The following SYT16 variants were observed in gnomAD, a reference collection of about 807,000 sequenced individuals.
SYT16 encodes synaptotagmin-16.
Under a neutral mutation model 61.4 loss-of-function variants are expected in SYT16, and 42 were observed. The ratio of observed to expected loss-of-function variants is 0.68; its 90% confidence interval spans 0.53 to 0.89. The LOEUF is 0.89. Among genes scored for constraint, SYT16 ranks in the 40% least tolerant of loss-of-function variants. The pLI is 0.00. For synonymous variants in SYT16, 314 were observed against 302.3 expected (o/e 1.04, Z -0.40); for missense variants, 804 against 807.3 (o/e 1.00, Z 0.05).
At chr14:61,900,273 C>G (rs1193489715) in intron 1 of SYT16, among the ~76,000 whole-genome samples, 2 of 151,694 alleles carry the variant, frequency 1.3e-5, no homozygotes, top group East Asian at 3.9e-4. Context: ...ATTCTCCTGC[C>G]TCAGCCTCCC....
intron 3 of SYT16, among the ~76,000 whole-genome samples, chr14:62,055,544 C>T (rs2055514180): frequency 6.6e-6 from 1 of 152,194 alleles, no homozygotes. Context: ...AATCACCCTA[C>T]CTGTCAGTAC....
chr14:62,044,998 C>T (rs907811953), intron 3 of SYT16, among the ~76,000 whole-genome samples: 4 of 152,052 alleles, frequency 2.6e-5, no homozygotes, highest in East Asian at 3.9e-4. Context: ...ATTAGCTGGG[C>T]GTGGTGGCAC....
chr14:62,045,249 C>T (rs1331059400), intron 3 of SYT16, among the ~76,000 whole-genome samples: 1 of 151,944 alleles, frequency 6.6e-6, no homozygotes, highest in Non-Finnish European at 1.5e-5. Context: ...AATTATCTTC[C>T]TTGAGTTTAC....
At chr14:61,879,950 A>G (rs976125936) in intron 1 of SYT16, among the ~76,000 whole-genome samples, 3 of 152,142 alleles carry the variant, frequency 2.0e-5, no homozygotes, top group African/African-American at 7.2e-5. Flanking sequence ...ATTCACTCTT[A>G]GCTGACTATG....
At chr14:61,922,093 A>G (rs1387222215) in intron 1 of SYT16, among the ~76,000 whole-genome samples, 2 of 152,220 alleles carry the variant, frequency 1.3e-5, no homozygotes, top group Non-Finnish European at 2.9e-5. Context: ...CCTTGTGTAA[A>G]GAGAAAAGAA....
intron 1 of SYT16, among the ~76,000 whole-genome samples, chr14:61,825,344 A>G (rs1027048284): frequency 6.6e-6 from 1 of 152,346 alleles, no homozygotes; most frequent in Non-Finnish European, 1.5e-5. Flanking sequence ...TTTAAGTGAA[A>G]CAACATATAA....
intron 1 of SYT16, among the ~76,000 whole-genome samples, chr14:61,952,398 C>T (rs920097191): frequency 6.6e-6 from 1 of 152,198 alleles, no homozygotes; most frequent in Non-Finnish European, 1.5e-5. Context: ...CAGAGATTCA[C>T]TCCATGGACT....
chr14:62,006,058 C>T (rs185084008), intron 3 of SYT16, among the ~76,000 whole-genome samples: 19 of 152,186 alleles, frequency 1.2e-4, no homozygotes, highest in Admixed American at 1.2e-3. Flanking sequence ...ACTTCAAATG[C>T]CTTTTAGCCA....
At chr14:62,058,828 CATCAGTGGT>C (rs1241263934) in intron 3 of SYT16, among the ~76,000 whole-genome samples, 5 of 152,088 alleles carry the variant, frequency 3.3e-5, no homozygotes, top group Non-Finnish European at 7.3e-5. Context: ...CCTAAATGTC[CATCAGTGGT>C]AGACTAGATA....
At chr14:61,834,193 C>T (rs1208547137) in intron 1 of SYT16, among the ~76,000 whole-genome samples, 7 of 151,978 alleles carry the variant, frequency 4.6e-5, no homozygotes, top group Non-Finnish European at 8.8e-5. Context: ...AGCAGTGGTG[C>T]GATCTCGGCT....
At chr14:62,034,641 A>G (rs899981088) in intron 3 of SYT16, among the ~76,000 whole-genome samples, 4 of 152,060 alleles carry the variant, frequency 2.6e-5, no homozygotes, top group African/African-American at 9.7e-5. Context: ...TGCAATGTCC[A>G]CAATAGGCCA....
chr14:61,869,757 T>G (rs955586903), intron 1 of SYT16, among the ~76,000 whole-genome samples: 8 of 152,076 alleles, frequency 5.3e-5, no homozygotes, highest in Non-Finnish European at 1.2e-4. Context: ...ATAAGAGACA[T>G]GAGAGAGTTT....
intron 7 of SYT16, among the ~76,000 whole-genome samples, chr14:62,086,099 A>G (rs915754665): frequency 6.6e-6 from 1 of 152,154 alleles, no homozygotes; most frequent in African/African-American, 2.4e-5. Context: ...TCCAGAGGAG[A>G]GGTACATCAT....
At chr14:61,892,311 A>T (rs1192413258) in intron 1 of SYT16, among the ~76,000 whole-genome samples, 1 of 151,340 alleles carries the variant, frequency 6.6e-6, no homozygotes, top group African/African-American at 2.4e-5. Flanking sequence ...CTCCACCTCT[A>T]GCTGCTACTC....
intron 2 of SYT16, among the ~76,000 whole-genome samples, chr14:61,981,907 A>G (rs2052095330): frequency 1.3e-5 from 2 of 152,166 alleles, no homozygotes; most frequent in Admixed American, 1.3e-4. Context: ...CTAGGATGGT[A>G]ATAAAAACAA....
chr14:61,894,391 G>A (rs1476950974), intron 1 of SYT16, among the ~76,000 whole-genome samples: 1 of 151,234 alleles, frequency 6.6e-6, no homozygotes, highest in Non-Finnish European at 1.5e-5. Context: ...TTGTGTTCTA[G>A]ACATAAGACC....
chr14:61,996,290 T>G lies in SYT16; in HGVS notation c.271T>G (p.Phe91Val), dbSNP rs2052765604. Residue 91 changes from phenylalanine (F) to valine (V), a missense_variant, in exon 3 of 8, where the codon TTC becomes GTC. Coordinates refer to ENST00000683842, the MANE Select transcript of SYT16 (RefSeq NM_001367656.1). ...ANSLFLEVDH[F>V]SCCNSDLQDS... Reference sequence around the variant, plus strand: ...TTCCTTGTTTCTTGAAGTGGATCATTTCTCATGTTGTAATAGTGATTTGCA... The same window carrying G: ...TTCCTTGTTTCTTGAAGTGGATCATGTCTCATGTTGTAATAGTGATTTGCA... 1.2e-6 allele frequency: 2 copies of G among 1,613,590 alleles called. No homozygotes were observed. Among genetic ancestry groups the G allele is most frequent in the Non-Finnish European group, 1.7e-6 (2 of 1,179,656 alleles).
At chr14:62,024,198 G>A (rs2054014771) in intron 3 of SYT16, among the ~76,000 whole-genome samples, 1 of 152,072 alleles carries the variant, frequency 6.6e-6, no homozygotes, top group African/African-American at 2.4e-5. Flanking sequence ...GAGAATGGAA[G>A]TCGTGCAAAA....
Position 61,816,538 on chromosome 14 carries a change from A to T in SYT16, c.-325+3728A>T, listed in dbSNP as rs530678415. Among the ~76,000 whole-genome samples the T allele has an allele frequency of 5.3e-5, 8 of 152,352 alleles. No homozygotes were observed. In the South Asian group the frequency reaches 1.7e-3, roughly 32 times the overall value. On this transcript the variant is annotated intron_variant, in intron 1 of 7. Coordinates refer to ENST00000683842, the MANE Select transcript of SYT16 (RefSeq NM_001367656.1). ...AGACAAAGAGAGTTAGAAAATTACT[A>T]CTTTGAAACCATCATAGCAATAATT...
Sources: allele counts gnomAD v4.1 joint callset (sites outside exome capture counted in the v4.1 genomes callset), GRCh38; gene constraint gnomAD v4.1.1; transcripts MANE v1.5; gene names NCBI Gene and HGNC (gene_info 2026-07-23, HGNC 2026-07-21).